The following PPP2R2C variants were observed in gnomAD, a reference collection of about 807,000 sequenced individuals.
The protein encoded by PPP2R2C is protein phosphatase 2 regulatory subunit Bgamma.
A neutral mutation model predicts 45.3 loss-of-function variants in PPP2R2C; 10 were observed. The observed-to-expected ratio is 0.22, with a 90% CI of 0.14 to 0.37. The LOEUF (loss-of-function observed/expected upper bound fraction) is 0.37. Ranked by LOEUF, PPP2R2C falls within the 10% of genes least tolerant of loss-of-function variation. PPP2R2C has a pLI of 1.00. For synonymous variants in PPP2R2C, 257 were observed against 245.4 expected (o/e 1.05, Z -0.44); for missense variants, 308 against 619.7 (o/e 0.50, Z 5.34).
intron 5 of PPP2R2C, among the ~76,000 whole-genome samples, chr4:6,357,898 T>A (rs1187386020): frequency 6.6e-6 from 1 of 152,178 alleles, no homozygotes; most frequent in African/African-American, 2.4e-5. Flanking sequence ...TCCCGTATAG[T>A]CCTCGGGCAT....
chr4:6,334,485 C>T (rs1003074732), intron 6 of PPP2R2C, among the ~76,000 whole-genome samples: 10 of 152,150 alleles, frequency 6.6e-5, no homozygotes, highest in African/African-American at 2.4e-4. Flanking sequence ...CCCACTGCCC[C>T]CATAACCTGG....
rs538692298 is a variant in PPP2R2C at position 6,525,942 on chromosome 4, T to A, written c.49+9329A>T. Among the ~76,000 whole-genome samples, 5 of 152,338 alleles carry A rather than the reference T, an allele frequency of 3.3e-5. No individual in the cohort carries two copies. In the East Asian group the frequency reaches 9.6e-4, roughly 29 times the overall value. ...TGGTCTCGAACTCCTGACCTCATGA[T>A]CTGCCCGCCTCAGCCTCCCAAAGTG... is the stretch of plus-strand genomic sequence containing the variant. On this transcript the variant is annotated intron_variant, in intron 2 of 9. Coordinates refer to the PPP2R2C transcript ENST00000506140.
In PPP2R2C at chr4:6,331,530, T is replaced by C. The variant is rs553399409; in HGVS notation, c.960+2032A>G. ...CACTATGGTGGCTGCCAGGGACCCA[T>C]TCTAGACAATGAGGTGTAAGAAGTC... is the stretch of plus-strand genomic sequence containing the variant. On this transcript the variant is annotated intron_variant, in intron 7 of 8. Transcript: ENST00000382599. The surrounding 1 kb of genome is among the most constrained non-coding windows in gnomAD (Gnocchi z 5.9). Among the ~76,000 whole-genome samples, 1 of 152,154 alleles carries C rather than the reference T, an allele frequency of 6.6e-6. No homozygotes were observed. The highest frequency in any genetic ancestry group is 1.5e-5 in the Non-Finnish European group (1 of 68,016).
At chr4:6,337,112 G>GTATGTATATATATATATA (rs1733019960) in intron 6 of PPP2R2C, among the ~76,000 whole-genome samples, 1 of 30,102 alleles carries the variant, frequency 3.3e-5, no homozygotes, top group Non-Finnish European at 6.4e-5. Flanking sequence ...ATGTGTGTGT[G>GTATGTATATATATATATA]TATATATATA....
intron 2 of PPP2R2C, among the ~76,000 whole-genome samples, chr4:6,485,449 T>G (rs1305023951): frequency 6.6e-6 from 1 of 151,948 alleles, no homozygotes; most frequent in East Asian, 1.9e-4. Flanking sequence ...ATTAGTATTA[T>G]TTCCTCCTTA....
chr4:6,452,156 G>A (rs759482047), intron 1 of PPP2R2C, among the ~76,000 whole-genome samples: 1 of 152,174 alleles, frequency 6.6e-6, no homozygotes, highest in Non-Finnish European at 1.5e-5. Context: ...GGAAGCAGGA[G>A]GGACCAACTG....
chr4:6,447,532 CA>C (rs1258351138), intron 1 of PPP2R2C, among the ~76,000 whole-genome samples: 4 of 141,630 alleles, frequency 2.8e-5, no homozygotes, highest in African/African-American at 1.0e-4. Flanking sequence ...CCCCCACCCC[CA>C]CCCCACTCAC....
chr4:6,425,003 C>T (rs189825620), intron 1 of PPP2R2C, among the ~76,000 whole-genome samples: 1 of 152,220 alleles, frequency 6.6e-6, no homozygotes, highest in African/African-American at 2.4e-5. Flanking sequence ...TTAGGGCCAT[C>T]ATGAAGAATG....
chr4:6,515,961 T>C (rs1181654033), intron 2 of PPP2R2C, among the ~76,000 whole-genome samples: 1 of 152,228 alleles, frequency 6.6e-6, no homozygotes, highest in African/African-American at 2.4e-5. Context: ...CAAGGAGTTC[T>C]CCTGTGTGTG....
chr4:6,394,766 G>A (rs971833600), intron 1 of PPP2R2C, among the ~76,000 whole-genome samples: 3 of 152,250 alleles, frequency 2.0e-5, no homozygotes, highest in Non-Finnish European at 4.4e-5. Flanking sequence ...CCTCTCTGCT[G>A]GGGCTACAGC....
At chr4:6,462,821 C>A (rs1416174712) in intron 1 of PPP2R2C, among the ~76,000 whole-genome samples, 1 of 152,146 alleles carries the variant, frequency 6.6e-6, no homozygotes, top group African/African-American at 2.4e-5. Flanking sequence ...AATTCTTCAT[C>A]CAAAAGCAGG....
In PPP2R2C at chr4:6,368,881, T is replaced by C. The variant is rs1055699621; in HGVS notation, c.625+3642A>G. Reference sequence around the variant, plus strand: ...AAAGCTGGCTAGTGACACGCCCCTGTTTACAGTACATCAATAGCTTCATAG... The same window carrying C: ...AAAGCTGGCTAGTGACACGCCCCTGCTTACAGTACATCAATAGCTTCATAG... On this transcript the variant is annotated intron_variant, in intron 5 of 8. Transcript: ENST00000382599. The surrounding 1 kb of genome is among the most constrained non-coding windows in gnomAD (Gnocchi z 4.2). Among the ~76,000 whole-genome samples the C allele has an allele frequency of 6.6e-6, 1 of 152,080 alleles. No homozygotes were observed. The highest frequency in any genetic ancestry group is 1.5e-5 in the Non-Finnish European group (1 of 68,020).
At position 6,375,894 on chromosome 4, in the gene PPP2R2C, A is replaced by G. The variant is rs564494305; in HGVS notation, c.372T>C (p.Asp124=). ...TIKLWKITER[D]KRPEGYNLKD... is the part of the protein sequence containing the mutation. ...TCAGGTTGTATCCTTCGGGCCTTTT[A>G]TCTCGTTCGGTAATCTTCCATAATT... is the stretch of plus-strand genomic sequence containing the variant. The change falls in exon 4 of 9, where the codon GAT becomes GAC. Residue 124 remains aspartate, a synonymous_variant. Coordinates refer to ENST00000382599, the MANE Select transcript of PPP2R2C (RefSeq NM_020416.4). 6.7e-5 allele frequency: 108 copies of G among 1,613,914 alleles called. No homozygotes were observed. The highest frequency in any genetic ancestry group is 8.5e-5 in the Non-Finnish European group (100 of 1,179,960).
chr4:6,506,136 C>A (rs1461532521), intron 2 of PPP2R2C, among the ~76,000 whole-genome samples: 1 of 152,092 alleles, frequency 6.6e-6, no homozygotes, highest in Non-Finnish European at 1.5e-5. Flanking sequence ...TGTGTTGGCT[C>A]TTCAGCAAGC....
chr4:6,400,784 C>T (rs1273433788), intron 1 of PPP2R2C, among the ~76,000 whole-genome samples: 1 of 152,218 alleles, frequency 6.6e-6, no homozygotes, highest in African/African-American at 2.4e-5. Context: ...TTAAGGTTGG[C>T]CAATGGGACC....
intron 1 of PPP2R2C, chr4:6,382,224 C>T (rs1715849572): frequency 1.7e-6 from 2 of 1,206,984 alleles, no homozygotes; most frequent in Admixed American, 3.3e-5. Flanking sequence ...GCAGCAAAAG[C>T]TAGTAGGAGC....
At chr4:6,358,633 T>TA (rs1431844208) in intron 5 of PPP2R2C, among the ~76,000 whole-genome samples, 4 of 71,048 alleles carry the variant, frequency 5.6e-5, no homozygotes, top group South Asian at 1.0e-3. Context: ...ACAAAGAACT[T>TA]AAACAAATTT....
At chr4:6,444,591 AC>A (rs1027881325) in intron 1 of PPP2R2C, among the ~76,000 whole-genome samples, 2 of 152,068 alleles carry the variant, frequency 1.3e-5, no homozygotes, top group South Asian at 2.1e-4. Context: ...ATTTTTCCCT[AC>A]CCCACCACTT....
At chr4:6,511,591 G>C (rs796228940) in intron 2 of PPP2R2C, among the ~76,000 whole-genome samples, 1 of 37,542 alleles carries the variant, frequency 2.7e-5, no homozygotes, top group Non-Finnish European at 6.0e-5. Flanking sequence ...GGTGGTGGTG[G>C]TGGTGATGGG....
Sources: gnomAD v4.1 joint callset for allele counts (sites outside exome capture counted in the v4.1 genomes callset) on GRCh38, gnomAD v4.1.1 for gene constraint, Gnocchi (gnomAD v3.1) non-coding constraint, MANE v1.5 for transcripts, NCBI Gene and HGNC (gene_info 2026-07-23, HGNC 2026-07-21) for gene names.